The following EPHA3 variants were observed in gnomAD, a reference collection of about 807,000 sequenced individuals.
The protein encoded by EPHA3 is EPH receptor A3.
Under a neutral mutation model 107.1 loss-of-function variants are expected in EPHA3, and 42 were observed. The ratio of observed to expected loss-of-function variants is 0.39; its 90% CI spans 0.31 to 0.51. The LOEUF is 0.51. EPHA3 is among the 20% of genes least tolerant of loss of function. The probability of loss-of-function intolerance (pLI) is 0.78; values close to 1 mark genes in which losing one functional copy is unlikely to be tolerated. For synonymous variants in EPHA3, 461 were observed against 424.8 expected, an observed-to-expected ratio of 1.09 and a Z score of -1.05; for missense variants, 1,183 against 1,211.2, an observed-to-expected ratio of 0.98 and a Z score of 0.35.
At chr3:89,476,135 T>C (rs1463941393) in intron 16 of EPHA3, among the ~76,000 whole-genome samples, 2 of 147,538 alleles carry the variant, frequency 1.4e-5, no homozygotes, top group Admixed American at 1.4e-4. Flanking sequence ...ATATATATTA[T>C]ATATTATATA....
In EPHA3 at chr3:89,313,254, G is replaced by A. The variant is rs187300532; in HGVS notation, c.815-27662G>A. On this transcript the variant is annotated intron_variant, in intron 3 of 16. Transcript: ENST00000336596. ...AAGTATCTATCATTTCTTACAGATAGCATATAATTGGATCTTGATTTTTAA... is the reference window on the plus strand; with the variant it reads ...AAGTATCTATCATTTCTTACAGATAACATATAATTGGATCTTGATTTTTAA... Among the ~76,000 whole-genome samples the A allele has an allele frequency of 4.7e-4, 72 of 151,870 alleles. 1 individual carries two copies. The highest frequency in any genetic ancestry group is 6.8e-3 in the Middle Eastern group (2 of 294).
At chr3:89,134,227 A>ATTTT (rs1559746538) in intron 2 of EPHA3, among the ~76,000 whole-genome samples, 1 of 146,128 alleles carries the variant, frequency 6.8e-6, no homozygotes, top group Admixed American at 6.7e-5. Flanking sequence ...TTTTTTTTAA[A>ATTTT]AAAATTATAC....
intron 7 of EPHA3, among the ~76,000 whole-genome samples, chr3:89,403,364 A>G (rs142825493): frequency 4.9e-4 from 74 of 152,250 alleles, no homozygotes; most frequent in African/African-American, 1.8e-3. Flanking sequence ...ATACTATTGT[A>G]TCCTTTTATA....
In EPHA3 at chr3:89,391,481, G is replaced by A. The variant is rs1342455033; in HGVS notation, c.1307-4356G>A. Among the ~76,000 whole-genome samples the A allele has an allele frequency of 4.2e-5, 6 of 141,320 alleles. No individual in the cohort carries two copies. In the East Asian group the frequency reaches 1.0e-3, roughly 24 times the overall value. The allele number at this position is 141,320 out of a possible 152,430, so 92.7% of individuals were successfully genotyped here. On this transcript the variant is annotated intron_variant, in intron 5 of 16. Coordinates refer to ENST00000336596, the MANE Select transcript of EPHA3 (RefSeq NM_005233.6). ...TGTCACCCAGGCTGGGTGCAGTGGC[G>A]TGATCTCGACTCGATGCAAGCCTGC...
intron 15 of EPHA3, among the ~76,000 whole-genome samples, chr3:89,459,199 A>T (rs545905487): frequency 7.2e-5 from 11 of 152,254 alleles, no homozygotes; most frequent in Non-Finnish European, 4.4e-5. Context: ...GTAAAATTTT[A>T]AAAAAGATAG....
At chr3:89,165,038 C>A (rs909137661) in intron 2 of EPHA3, among the ~76,000 whole-genome samples, 8 of 152,132 alleles carry the variant, frequency 5.3e-5, no homozygotes, top group Non-Finnish European at 1.2e-4. Context: ...ATTGCAGGTC[C>A]TTCTTAGAGT....
rs2107550565 is a variant in EPHA3, at chr3:89,446,421, CATT to C, written c.2347-2800_2347-2798del. Among the ~76,000 whole-genome samples the C allele has an allele frequency of 1.3e-5, 2 of 152,196 alleles. 1 individual carries two copies. Among genetic ancestry groups the C allele is most frequent in the South Asian group, 4.2e-4 (2 of 4,812 alleles). ...TAAAAATGATCACCTTTCAGTATAT[CATT>C]ATTTTAAGAAATTCTATTAATCTCA... is the stretch of plus-strand genomic sequence containing the variant. On this transcript the variant is annotated intron_variant, in intron 13 of 16. Coordinates refer to ENST00000336596, the MANE Select transcript of EPHA3 (RefSeq NM_005233.6).
Position 89,407,290 on chromosome 3 carries a change from G to A in EPHA3, c.1616G>A (p.Ser539Asn), listed in dbSNP as rs964408959. 1 of 1,613,282 alleles carries A rather than the reference G, an allele frequency of 6.2e-7. No homozygotes were observed. Among genetic ancestry groups the A allele is most frequent in the Non-Finnish European group, 8.5e-7 (1 of 1,179,568 alleles). The change falls in exon 8 of 17, where the codon AGT (serine) becomes AAT (asparagine). Residue 539 changes from serine to asparagine, a missense_variant. Coordinates refer to ENST00000336596, the MANE Select transcript of EPHA3 (RefSeq NM_005233.6). ...SPDSFSISGE[S>N]SQVVMIAISA... ...ACAGCTTTCTCCATCTCTGGTGAAA[G>A]TAGCCAAGTGGTCATGATCGCCATT...
At chr3:89,222,461 A>T (rs1419657022) in intron 3 of EPHA3, among the ~76,000 whole-genome samples, 8 of 148,464 alleles carry the variant, frequency 5.4e-5, no homozygotes, top group Non-Finnish European at 1.2e-4. Flanking sequence ...GTGTGTGTAT[A>T]TGTATATAGA....
intron 3 of EPHA3, among the ~76,000 whole-genome samples, chr3:89,261,398 T>G (rs990682329): frequency 1.3e-5 from 2 of 152,156 alleles, no homozygotes; most frequent in African/African-American, 2.4e-5. Context: ...CTGAGAGCTG[T>G]TTCCTTACCC....
intron 3 of EPHA3, among the ~76,000 whole-genome samples, chr3:89,317,736 T>C (rs1299489843): frequency 1.3e-5 from 2 of 151,774 alleles, no homozygotes; most frequent in Non-Finnish European, 2.9e-5. Context: ...ATTCAATATA[T>C]AAAAGTTAGC....
intron 3 of EPHA3, among the ~76,000 whole-genome samples, chr3:89,339,510 T>A (rs1253775460): frequency 6.6e-6 from 1 of 152,142 alleles, no homozygotes; most frequent in East Asian, 1.9e-4. Context: ...CCATTCTTGG[T>A]AGGAACTAGA....
chr3:89,391,027 C>A (rs1204678807), intron 5 of EPHA3, among the ~76,000 whole-genome samples: 3 of 151,934 alleles, frequency 2.0e-5, no homozygotes, highest in Non-Finnish European at 2.9e-5. Flanking sequence ...TGCAGGTGAT[C>A]CATCTGCCTC....
chr3:89,444,901 G>A (rs1709851706), intron 13 of EPHA3, among the ~76,000 whole-genome samples: 1 of 152,042 alleles, frequency 6.6e-6, no homozygotes, highest in East Asian at 1.9e-4. Flanking sequence ...CTACCTATTA[G>A]CAGATAATGG....
At chr3:89,158,976 T>C (rs2107064697) in intron 2 of EPHA3, among the ~76,000 whole-genome samples, 1 of 152,252 alleles carries the variant, frequency 6.6e-6, no homozygotes, top group South Asian at 2.1e-4. Context: ...TCCTAAATAA[T>C]ACATCACTGT....
intron 3 of EPHA3, among the ~76,000 whole-genome samples, chr3:89,258,778 C>T (rs1705345801): frequency 6.6e-6 from 1 of 152,194 alleles, no homozygotes; most frequent in Admixed American, 6.5e-5. Flanking sequence ...AAAGTCAATT[C>T]CACTAAAACC....
At chr3:89,423,822 TATAGG>T (rs1709400175) in intron 11 of EPHA3, among the ~76,000 whole-genome samples, 1 of 151,468 alleles carries the variant, frequency 6.6e-6, no homozygotes, top group African/African-American at 2.4e-5. Flanking sequence ...CATTTATATG[TATAGG>T]ATGGTTTTCT....
intron 2 of EPHA3, among the ~76,000 whole-genome samples, chr3:89,189,800 C>T (rs1170023991): frequency 6.6e-6 from 1 of 152,120 alleles, no homozygotes; most frequent in Non-Finnish European, 1.5e-5. Context: ...ACTGTAAGTA[C>T]TCTATTTTAA....
intron 5 of EPHA3, among the ~76,000 whole-genome samples, chr3:89,359,772 C>T (rs1160136614): frequency 7.1e-6 from 1 of 141,730 alleles, no homozygotes; most frequent in Non-Finnish European, 1.5e-5. Flanking sequence ...TATATACACA[C>T]ATATATATAC....
Sources: gnomAD v4.1 joint callset for allele counts (sites outside exome capture counted in the v4.1 genomes callset) on GRCh38, gnomAD v4.1.1 for gene constraint, MANE v1.5 for transcripts, NCBI Gene and HGNC (gene_info 2026-07-23, HGNC 2026-07-21) for gene names.